The following EVI5 variants were observed in gnomAD, a reference collection of about 807,000 sequenced individuals.
EVI5 encodes ecotropic viral integration site 5.
EVI5 carries 73 observed loss-of-function variants against 112.0 expected under a neutral mutation model. The ratio of observed to expected loss-of-function variants is 0.65; its 90% CI spans 0.54 to 0.79. EVI5 has a LOEUF of 0.79. Among genes scored for constraint, EVI5 ranks in the 30% least tolerant of loss-of-function variants. The pLI is 0.00. For synonymous variants in EVI5, 305 were observed against 319.9 expected, an observed-to-expected ratio of 0.95 and a Z score of 0.50; for missense variants, 900 against 968.8, an observed-to-expected ratio of 0.93 and a Z score of 0.94.
intron 19 of EVI5, among the ~76,000 whole-genome samples, chr1:92,525,748 C>T (rs369003593): frequency 2.0e-5 from 3 of 152,180 alleles, no homozygotes; most frequent in East Asian, 3.8e-4. Context: ...GCTCATCGGA[C>T]GCTGGTACTA....
chr1:92,602,861 CA>C (rs1388352362), intron 18 of EVI5, among the ~76,000 whole-genome samples: 2 of 151,772 alleles, frequency 1.3e-5, no homozygotes, highest in Non-Finnish European at 2.9e-5. Flanking sequence ...GTTGATTCAG[CA>C]AAATTAAAAA....
intron 19 of EVI5, among the ~76,000 whole-genome samples, chr1:92,541,933 T>A (rs559779236): frequency 1.3e-3 from 195 of 152,332 alleles, no homozygotes; most frequent in African/African-American, 4.6e-3. Context: ...GTAATGGATC[T>A]TTTTGCTGGT....
At chr1:92,617,274 T>C (rs1571910798) in intron 16 of EVI5, among the ~76,000 whole-genome samples, 1 of 152,204 alleles carries the variant, frequency 6.6e-6, no homozygotes, top group East Asian at 1.9e-4. Context: ...AGATGTGTGA[T>C]TATATAATGA....
chr1:92,637,908 G>A (rs1659207780), intron 13 of EVI5, among the ~76,000 whole-genome samples: 1 of 151,982 alleles, frequency 6.6e-6, no homozygotes, highest in Admixed American at 6.6e-5. Context: ...TGATACTATT[G>A]AAACAATATT....
chr1:92,558,760 A>G (rs1410685651), intron 19 of EVI5, among the ~76,000 whole-genome samples: 2 of 151,568 alleles, frequency 1.3e-5, no homozygotes, highest in African/African-American at 2.4e-5. Context: ...CCAGCTACTC[A>G]GGAAGTTAAG....
chr1:92,590,123 A>G (rs1027446288), intron 18 of EVI5, among the ~76,000 whole-genome samples: 2 of 152,232 alleles, frequency 1.3e-5, no homozygotes, highest in Admixed American at 1.3e-4. Context: ...GTACGTCACC[A>G]TCATCGAAGA....
intron 3 of EVI5, chr1:92,703,840 C>T (rs957299127): frequency 6.9e-6 from 3 of 432,730 alleles, no homozygotes; most frequent in East Asian, 4.6e-5. Flanking sequence ...GATCATTTCA[C>T]CTCAGTGTGT....
chr1:92,572,240 G>GT, intron 18 of EVI5, among the ~76,000 whole-genome samples: 1 of 152,114 alleles, frequency 6.6e-6, no homozygotes, highest in South Asian at 2.1e-4. Context: ...GTATAACAAA[G>GT]TAACTTTGAA....
chr1:92,664,844 G>A (rs944126767), intron 11 of EVI5, among the ~76,000 whole-genome samples: 1 of 152,170 alleles, frequency 6.6e-6, no homozygotes, highest in African/African-American at 2.4e-5. Context: ...TTTCAGGGAA[G>A]ATTTTAAGAT....
chr1:92,592,156 C>T (rs1475373463), intron 18 of EVI5, among the ~76,000 whole-genome samples: 5 of 152,046 alleles, frequency 3.3e-5, no homozygotes, highest in East Asian at 1.9e-4. Context: ...GGCAGGAGAA[C>T]GGCGTGAACC....
Position 92,703,450 on chromosome 1 carries a change from T to C in EVI5, c.509A>G (p.Asn170Ser), listed in dbSNP as rs757612026. 10 of 1,589,670 alleles carry C rather than the reference T, an allele frequency of 6.3e-6. No homozygotes were observed. Among genetic ancestry groups the C allele is most frequent in the Non-Finnish European group, 8.5e-6 (10 of 1,173,688 alleles). Residue 170 changes from asparagine (N) to serine (S), a missense_variant, in exon 4 of 20, where the codon AAC becomes AGC. By Grantham distance (46) the Asn-to-Ser change is conservative. Coordinates refer to ENST00000684568, the MANE Select transcript of EVI5 (RefSeq NM_001350197.2). ...RDIARTYPEH[N>S]FFKEKDSLGQ... ...AAGGCTATCTTTTTCCTTAAAAAAG[T>C]TGTGTTCAGGGTAAGTTCTAGCAAT... is the stretch of plus-strand genomic sequence containing the variant.
chr1:92,653,634 G>GGGTGACTGTGGTCTTACT (rs1193555944), intron 13 of EVI5, among the ~76,000 whole-genome samples: 2 of 152,218 alleles, frequency 1.3e-5, no homozygotes, highest in African/African-American at 4.8e-5. Flanking sequence ...GGGCAGACAG[G>GGGTGACTGTGGTCTTACT]GGTGACTGTG....
At chr1:92,651,478 G>A (rs1662076871) in intron 13 of EVI5, among the ~76,000 whole-genome samples, 1 of 152,160 alleles carries the variant, frequency 6.6e-6, no homozygotes, top group African/African-American at 2.4e-5. Context: ...GAACCACAAT[G>A]AGATACTACC....
intron 19 of EVI5, among the ~76,000 whole-genome samples, chr1:92,526,677 G>T (rs967317717): frequency 6.6e-6 from 1 of 152,240 alleles, no homozygotes; most frequent in African/African-American, 2.4e-5. Context: ...GTAAGCAGTG[G>T]TTGCAGGAGT....
At chr1:92,732,898 CAAAAA>C (rs3042602) in intron 2 of EVI5, among the ~76,000 whole-genome samples, 10,603 of 89,026 alleles carry the variant, frequency 0.12, 1,270 homozygotes, top group African/African-American at 0.35. Context: ...GACTCCATCT[CAAAAA>C]AAAAAAAAAA....
chr1:92,754,852 C>T (rs1680685990), intron 1 of EVI5, among the ~76,000 whole-genome samples: 1 of 152,088 alleles, frequency 6.6e-6, no homozygotes, highest in Admixed American at 6.5e-5. Context: ...AAGTGGAGAC[C>T]ACTGACAGCC....
chr1:92,567,454 C>G (rs1669675033), intron 18 of EVI5, among the ~76,000 whole-genome samples: 1 of 152,174 alleles, frequency 6.6e-6, no homozygotes, highest in Non-Finnish European at 1.5e-5. Flanking sequence ...GTACCATGCT[C>G]TATACAGGTG....
intron 13 of EVI5, among the ~76,000 whole-genome samples, chr1:92,656,311 A>C (rs1338658143): frequency 6.6e-6 from 1 of 152,144 alleles, no homozygotes; most frequent in Non-Finnish European, 1.5e-5. Flanking sequence ...TCAGCAACAA[A>C]ATTAAAATAG....
At chr1:92,775,103 A>ACTGT (rs952800237) in intron 1 of EVI5, among the ~76,000 whole-genome samples, 4 of 152,220 alleles carry the variant, frequency 2.6e-5, no homozygotes, top group Non-Finnish European at 5.9e-5. Context: ...ACCGCATAAG[A>ACTGT]ACATTTCAGT....
Sources: allele counts gnomAD v4.1 joint callset (sites outside exome capture counted in the v4.1 genomes callset), GRCh38; gene constraint gnomAD v4.1.1; transcripts MANE v1.5; gene names NCBI Gene and HGNC (gene_info 2026-07-23, HGNC 2026-07-21).